The following RGN variants were observed in gnomAD, a reference collection of about 807,000 sequenced individuals.
The protein encoded by RGN is regucalcin, also known as epididymis secretory protein Li 41.
RGN carries 19 observed loss-of-function variants against 20.6 expected under a neutral mutation model. The observed-to-expected ratio is 0.92, with a 90% CI of 0.64 to 1.35. RGN has a LOEUF of 1.35. Ranked by LOEUF, RGN falls within the 40% of genes most tolerant of loss-of-function variation. The pLI is 0.00. For synonymous variants in RGN, 85 were observed against 87.2 expected, an observed-to-expected ratio of 0.97 and a Z score of 0.14; for missense variants, 302 against 232.7, an observed-to-expected ratio of 1.30 and a Z score of -1.94.
chrX:47,093,087 GGCAGA>G lies in RGN; in HGVS notation c.*144_*148del, dbSNP rs1275927833. On this transcript the variant is annotated 3_prime_UTR_variant, in exon 8 of 8. Transcript: ENST00000397180. ...AAGTTTTAATTTACAACTTTTAAAA[GGCAGA>G]GCATTTTTAACAAGGGGTGACAGGT... is the stretch of plus-strand genomic sequence containing the variant. 2 of 491,305 alleles carry G rather than the reference GGCAGA, an allele frequency of 4.1e-6. No homozygotes were observed. Among genetic ancestry groups the G allele is most frequent in the African/African-American group, 4.9e-5 (2 of 41,101 alleles). 40.5% of individuals were successfully genotyped at this position (491,305 alleles called of 1,213,427 possible).
chrX:47,079,421 GT>G (rs1173772931), intron 1 of RGN, among the ~76,000 whole-genome samples: 21 of 101,330 alleles, frequency 2.1e-4, no homozygotes, highest in Non-Finnish European at 3.4e-4. Flanking sequence ...GTTTTGTTTT[GT>G]TTTTTTGTTT....
intron 1 of RGN, 93 bp from the exon 2 acceptor site, chrX:47,080,224 G>A (rs1356327168): frequency 1.8e-5 from 2 of 112,252 alleles, no homozygotes; most frequent in East Asian, 5.6e-4. Context: ...CGCCTACTCA[G>A]GGCAGAGGTA....
intron 3 of RGN, among the ~76,000 whole-genome samples, chrX:47,081,937 A>G (rs192493514): frequency 5.0e-4 from 56 of 112,252 alleles, no homozygotes; most frequent in African/African-American, 1.6e-3. Flanking sequence ...AGACCCAGTT[A>G]TCTGCCTTGG....
At chrX:47,083,673 G>A (rs1431415450) in intron 3 of RGN, among the ~76,000 whole-genome samples, 1 of 112,026 alleles carries the variant, frequency 8.9e-6, no homozygotes, top group Non-Finnish European at 1.9e-5. Flanking sequence ...CACTTTGTGA[G>A]GCCAAGGCGG....
intron 4 of RGN, among the ~76,000 whole-genome samples, chrX:47,088,984 C>T (rs1930745442): frequency 1.1e-5 from 1 of 91,529 alleles, no homozygotes; most frequent in East Asian, 3.6e-4. Context: ...AAGAAGGAGA[C>T]GGAGAAGGAG....
At chrX:47,081,689 C>T (rs142948872) in intron 3 of RGN, among the ~76,000 whole-genome samples, 1,609 of 110,981 alleles carry the variant, frequency 0.014, 13 homozygotes, top group South Asian at 0.035. Context: ...GCTGTGACTA[C>T]AGGTGCGTGC....
rs1271112116 is a variant in RGN, at chrX:47,079,358, T to G, written c.-636+649T>G. On this transcript the variant is annotated intron_variant, in intron 1 of 7. Transcript: ENST00000397180. ...TTTGGGCTGAGGTTTTTTTGTTTGT[T>G]TTTTTTTTTGTTTTGTTTTGGTTTG... Among the ~76,000 whole-genome samples, 356 of 41,172 alleles carry G rather than the reference T, an allele frequency of 8.6e-3. 3 individuals carry two copies. The highest frequency in any genetic ancestry group is 0.061 in the African/African-American group (337 of 5,554). The allele number at this position is 41,172 out of a possible 115,157, so 35.8% of individuals were successfully genotyped here. A position where few individuals can be genotyped will look rare whatever the true frequency, so the allele number is the denominator to read the frequency against.
chrX:47,078,914 G>A (rs1930155503), intron 1 of RGN, among the ~76,000 whole-genome samples: 2 of 107,440 alleles, frequency 1.9e-5, no homozygotes, highest in African/African-American at 3.4e-5. Context: ...AGACTGATAG[G>A]ATGAAGGCCT....
At chrX:47,090,915 G>GGAAAGAAAGAAAGAAA (rs1167092040) in intron 5 of RGN, among the ~76,000 whole-genome samples, 19 of 51,886 alleles carry the variant, frequency 3.7e-4, no homozygotes, top group Admixed American at 4.9e-4. Flanking sequence ...GAAAGAAGAA[G>GGAAAGAAAGAAAGAAA]GAAAGAAAGA....
intron 3 of RGN, among the ~76,000 whole-genome samples, chrX:47,084,161 C>A (rs1930476766): frequency 1.8e-5 from 2 of 111,227 alleles, no homozygotes; most frequent in African/African-American, 6.5e-5. Context: ...TCTGCTTTTC[C>A]CACAAGACTG....
At position 47,080,298 on chromosome X, in the gene RGN, G is replaced by A. The variant is rs949896359; in HGVS notation, c.-635-19G>A. 1.8e-5 allele frequency: 2 copies of A among 112,271 alleles called. No individual in the cohort carries two copies. The highest frequency in any genetic ancestry group is 6.5e-5 in the African/African-American group (2 of 30,905). The allele number at this position is 112,271 out of a possible 1,213,427, so 9.3% of individuals were successfully genotyped here. Reference sequence around the variant, plus strand: ...CCTCTCCCACATGGGATTCTTATCTGATTTTTTCTCCTTTTCAGATAATTT... The same window carrying A: ...CCTCTCCCACATGGGATTCTTATCTAATTTTTTCTCCTTTTCAGATAATTT... On this transcript the variant is annotated intron_variant, in intron 1 of 7. Transcript: ENST00000397180.
chrX:47,087,362 G>A (rs1930642082), intron 4 of RGN: 1 of 111,421 alleles, frequency 9.0e-6, no homozygotes, highest in Admixed American at 9.7e-5. Context: ...GATATGGTCC[G>A]GGACAGGTTG....
intron 3 of RGN, among the ~76,000 whole-genome samples, chrX:47,081,636 C>T (rs1396720916): frequency 9.1e-6 from 1 of 110,020 alleles, no homozygotes; most frequent in Non-Finnish European, 1.9e-5. Flanking sequence ...CAGCCTTGAT[C>T]TCCTGGGGCT....
rs781805113 is a variant in RGN, at chrX:47,088,698, G to C, written c.347-1078G>C. On this transcript the variant is annotated intron_variant, in intron 4 of 7. Transcript: ENST00000397180. ...TATAATCCCAGCACTTTGGGAGGCC[G>C]AGGCAAGTAGATCACTTGAGCTCGG... 1.2e-4 allele frequency among the ~76,000 whole-genome samples: 13 copies of C among 108,749 alleles called. No individual in the cohort carries two copies. In the East Asian group the frequency reaches 3.2e-3, roughly 27 times the overall value. The allele number at this position is 108,749 out of a possible 115,157, so 94.4% of individuals were successfully genotyped here.
At chrX:47,081,922 G>A (rs1930342105) in intron 3 of RGN, among the ~76,000 whole-genome samples, 1 of 112,197 alleles carries the variant, frequency 8.9e-6, no homozygotes, top group African/African-American at 3.2e-5. Context: ...ACCATGGAAA[G>A]TTAAAGACCC....
intron 4 of RGN, among the ~76,000 whole-genome samples, chrX:47,089,461 A>T (rs1486870852): frequency 4.3e-4 from 2 of 4,636 alleles, no homozygotes; most frequent in African/African-American, 1.8e-3. Flanking sequence ...ATATAAAATT[A>T]TATATACATA....
chrX:47,081,338 A>G (rs782471708), intron 3 of RGN, 31 bp downstream of exon 3: 2 of 1,190,569 alleles, frequency 1.7e-6, no homozygotes, highest in South Asian at 3.6e-5. Context: ...CAGATCAGCC[A>G]GCTACCTTTT....
chrX:47,081,406 T>C, intron 3 of RGN, 99 bp downstream of exon 3: 1 of 738,481 alleles, frequency 1.4e-6, no homozygotes, highest in Non-Finnish European at 2.0e-6. Flanking sequence ...TGACTACACT[T>C]GTCACGCTGT....
chrX:47,079,537 T>C lies in RGN; in HGVS notation c.-635-780T>C, dbSNP rs59603115. ...CCTCTGCCTCCCGGGTTCAAACGATTCTCCTGCTTCAGCCTCATGAGTCGC... is the reference window on the plus strand; with the variant it reads ...CCTCTGCCTCCCGGGTTCAAACGATCCTCCTGCTTCAGCCTCATGAGTCGC... On this transcript the variant is annotated intron_variant, in intron 1 of 7. Transcript: ENST00000397180. 1.3e-4 allele frequency among the ~76,000 whole-genome samples: 14 copies of C among 108,441 alleles called. No homozygotes were observed. The East Asian group carries it at 3.5e-3, about 27-fold the overall frequency. 94.2% of individuals were successfully genotyped at this position (108,441 alleles called of 115,157 possible).
Sources: gnomAD v4.1 joint callset for allele counts (sites outside exome capture counted in the v4.1 genomes callset) on GRCh38, gnomAD v4.1.1 for gene constraint, MANE v1.5 for transcripts, NCBI Gene and HGNC (gene_info 2026-07-23, HGNC 2026-07-21) for gene names.